Variants in ARSB observed in about 807,000 individuals in gnomAD.
ARSB encodes the protein arylsulfatase B.
Under a neutral mutation model 50.9 loss-of-function variants are expected in ARSB, and 41 were observed. That is an observed-to-expected ratio of 0.81 (90% CI 0.63 to 1.04). ARSB has a LOEUF of 1.04. Among genes scored for constraint, ARSB ranks in the 50% least tolerant of loss-of-function variants. ARSB has a pLI of 0.00. For synonymous variants in ARSB, 269 were observed against 284.8 expected, an observed-to-expected ratio of 0.94 and a Z score of 0.56; for missense variants, 672 against 693.3, an observed-to-expected ratio of 0.97 and a Z score of 0.35.
intron 5 of ARSB, among the ~76,000 whole-genome samples, chr5:78,856,401 C>T (rs2112077625): frequency 6.6e-6 from 1 of 152,316 alleles, no homozygotes; most frequent in South Asian, 2.1e-4. Flanking sequence ...CCTGGTTTCC[C>T]AGAAAGTATC....
In ARSB at chr5:78,815,956, T is replaced by G. The variant is rs894288192; in HGVS notation, c.1213+23400A>C. ...AGGCACTTTTCCTATGATGCCAGGTTCCTAGTTCCCGCCTCTTCTGCCACT... is the reference window on the plus strand; with the variant it reads ...AGGCACTTTTCCTATGATGCCAGGTGCCTAGTTCCCGCCTCTTCTGCCACT... On this transcript the variant is annotated intron_variant, in intron 6 of 7. Transcript: ENST00000264914. The G allele has an allele frequency of 7.1e-6, 11 of 1,546,540 alleles. No individual in the cohort carries two copies. The African/African-American group carries it at 1.3e-4, about 19-fold the overall frequency.
In ARSB at chr5:78,955,346, C is replaced by T. The variant is rs1388591027; in HGVS notation, c.847G>A (p.Ala283Thr). Residue 283 changes from alanine to threonine, a missense_variant, in exon 4 of 8, where the codon GCT becomes ACT. Physicochemically the swap from Ala to Thr is moderately conservative, Grantham distance 58. Transcript: ENST00000264914. ...MDEAVGNVTAALKSSGLWNNT... is the reference protein window; with the variant it reads ...MDEAVGNVTATLKSSGLWNNT... ...TTCCAGAGCCCACTGCTTTTTAAAG[C>T]TGCAGTGACATTTCCTACTGCTTCA... The T allele has an allele frequency of 6.2e-7, 1 of 1,614,192 alleles. No homozygotes were observed. The highest frequency in any genetic ancestry group is 8.5e-7 in the Non-Finnish European group (1 of 1,180,024).
chr5:78,852,790 G>C lies in ARSB; in HGVS notation c.1143-13364C>G, dbSNP rs1298115195. 6.6e-5 allele frequency among the ~76,000 whole-genome samples: 10 copies of C among 151,670 alleles called. No individual in the cohort carries two copies. The South Asian group carries it at 2.1e-3, about 32-fold the overall frequency. On this transcript the variant is annotated intron_variant, in intron 5 of 7. Transcript: ENST00000264914. ...CTTTTTTCTCTAAACTTCCCTTCTC[G>C]CTTCATTTCATTCATTTCATCTTCC...
chr5:78,825,828 T>A (rs1744411767), intron 6 of ARSB, among the ~76,000 whole-genome samples: 1 of 152,186 alleles, frequency 6.6e-6, no homozygotes, highest in Non-Finnish European at 1.5e-5. Context: ...CAAATACCCA[T>A]GACTTCCTCT....
intron 5 of ARSB, among the ~76,000 whole-genome samples, chr5:78,866,986 C>T (rs909786093): frequency 2.4e-4 from 37 of 151,472 alleles, no homozygotes; most frequent in Non-Finnish European, 1.3e-4. Flanking sequence ...CAAAGCAGGG[C>T]GAGGCATTGC....
At chr5:78,939,534 T>A (rs1183708679) in intron 4 of ARSB, among the ~76,000 whole-genome samples, 1 of 152,154 alleles carries the variant, frequency 6.6e-6, no homozygotes, top group Non-Finnish European at 1.5e-5. Flanking sequence ...CATGTGGTGT[T>A]TGGTTTTTTC....
At chr5:78,918,984 A>G (rs1481740399) in intron 4 of ARSB, among the ~76,000 whole-genome samples, 1 of 152,192 alleles carries the variant, frequency 6.6e-6, no homozygotes, top group East Asian at 1.9e-4. Context: ...GTAATAGAGG[A>G]TAAGGAACAG....
intron 6 of ARSB, among the ~76,000 whole-genome samples, chr5:78,782,191 A>G (rs1394210430): frequency 6.6e-6 from 1 of 152,228 alleles, no homozygotes; most frequent in Admixed American, 6.5e-5. Context: ...AGGAAATCCC[A>G]AAGAGATTAC....
At chr5:78,798,977 G>C (rs1358625854) in intron 6 of ARSB, among the ~76,000 whole-genome samples, 1 of 152,198 alleles carries the variant, frequency 6.6e-6, no homozygotes, top group Non-Finnish European at 1.5e-5. Context: ...AAACATTTGA[G>C]ACAACTCTTT....
At chr5:78,918,419 T>C (rs1749654709) in intron 4 of ARSB, among the ~76,000 whole-genome samples, 1 of 152,204 alleles carries the variant, frequency 6.6e-6, no homozygotes, top group East Asian at 1.9e-4. Context: ...AAATTCCTTA[T>C]TTTAGAATAG....
At chr5:78,781,745 T>C in intron 7 of ARSB, 107 bp downstream of exon 7, 1 of 1,502,724 alleles carries the variant, frequency 6.7e-7, no homozygotes, top group Non-Finnish European at 9.2e-7. Flanking sequence ...GAAATGGCCG[T>C]GGGAATCAAA....
chr5:78,889,221 G>A (rs1472612310), intron 4 of ARSB, among the ~76,000 whole-genome samples: 1 of 152,194 alleles, frequency 6.6e-6, no homozygotes, highest in Non-Finnish European at 1.5e-5. Flanking sequence ...AATAAAATAA[G>A]CTCTTTTGCA....
rs546274323 is a variant in ARSB, at chr5:78,917,085, G to A, written c.899-31258C>T. The stretch of plus-strand genomic sequence containing the variant: ...AAGGGAGAGGGTGCAGAAGATAGAG[G>A]AGTTGACTTCTGAGCTGAGAATTAA... On this transcript the variant is annotated intron_variant, in intron 4 of 7. Coordinates refer to ENST00000264914, the MANE Select transcript of ARSB (RefSeq NM_000046.5). Among the ~76,000 whole-genome samples the A allele has an allele frequency of 5.3e-5, 8 of 152,276 alleles. No homozygotes were observed. The East Asian group carries it at 1.3e-3, about 26-fold the overall frequency.
chr5:78,783,489 GCAGCAAATCTTTAGCACCA>G (rs1748983413), intron 6 of ARSB: 1 of 152,080 alleles, frequency 6.6e-6, no homozygotes, highest in Non-Finnish European at 1.5e-5. Flanking sequence ...CAATCACACA[GCAGCAAATCTTTAGCACCA>G]AAGAGGAAAA....
At chr5:78,885,438 T>C in intron 5 of ARSB, 146 bp downstream of exon 5, 3 of 1,138,854 alleles carry the variant, frequency 2.6e-6, no homozygotes, top group East Asian at 4.9e-5. Context: ...ACTTACAATG[T>C]CTCTAAAGGC....
intron 6 of ARSB, among the ~76,000 whole-genome samples, chr5:78,804,252 GA>G (rs1019521860): frequency 1.1e-4 from 16 of 147,480 alleles, no homozygotes; most frequent in South Asian, 2.2e-4. Flanking sequence ...AGTTTTTGTG[GA>G]AAAAAAAAAG....
chr5:78,836,834 T>C (rs143405432), intron 6 of ARSB, among the ~76,000 whole-genome samples: 2 of 152,234 alleles, frequency 1.3e-5, no homozygotes, highest in African/African-American at 4.8e-5. Flanking sequence ...CCACAGGCTG[T>C]ACAGGAATCA....
intron 5 of ARSB, among the ~76,000 whole-genome samples, chr5:78,865,110 A>AGGGGTTGTCCTAGTAG (rs56143814): frequency 6.6e-6 from 1 of 151,838 alleles, no homozygotes; most frequent in Admixed American, 6.6e-5. Flanking sequence ...CAGCTCCACT[A>AGGGGTTGTCCTAGTAG]GGACTCCGTA....
At chr5:78,885,910 C>T in intron 4 of ARSB, 83 bp from the exon 5 acceptor site, 1 of 1,595,094 alleles carries the variant, frequency 6.3e-7, no homozygotes, top group Non-Finnish European at 8.6e-7. Flanking sequence ...TACATTGTTA[C>T]TAAATGGTGC....
Sources: gnomAD v4.1 joint callset for allele counts (sites outside exome capture counted in the v4.1 genomes callset) on GRCh38, gnomAD v4.1.1 for gene constraint, MANE v1.5 for transcripts, NCBI Gene and HGNC (gene_info 2026-07-23, HGNC 2026-07-21) for gene names.